Variants in CRIM1 observed in about 807,000 individuals in gnomAD.
CRIM1 encodes the protein cysteine-rich motor neuron 1 protein.
Under a neutral mutation model 116.4 loss-of-function variants are expected in CRIM1, and 32 were observed. The observed-to-expected ratio is 0.27, with a 90% CI of 0.21 to 0.37. The LOEUF is 0.37. Among genes scored for constraint, CRIM1 ranks in the 10% least tolerant of loss-of-function variants. The pLI, the probability that CRIM1 is intolerant of heterozygous loss-of-function variation, is 1.00. For synonymous variants in CRIM1, 590 were observed against 509.2 expected (o/e 1.16, Z -2.13); for missense variants, 1,331 against 1,354.8 (o/e 0.98, Z 0.28).
chr2:36,447,965 C>T (rs753372620), intron 4 of CRIM1, among the ~76,000 whole-genome samples: 6 of 152,190 alleles, frequency 3.9e-5, no homozygotes, highest in African/African-American at 7.2e-5. Flanking sequence ...TTTTCTGCTT[C>T]TTTCTTCACT....
At chr2:36,382,160 C>T (rs184679162) in intron 1 of CRIM1, among the ~76,000 whole-genome samples, 10 of 152,334 alleles carry the variant, frequency 6.6e-5, no homozygotes, top group South Asian at 2.1e-4. Flanking sequence ...GAACCAGGGC[C>T]TGGAACCGCC....
chr2:36,412,924 T>C (rs900951834), intron 2 of CRIM1, among the ~76,000 whole-genome samples: 4 of 152,130 alleles, frequency 2.6e-5, no homozygotes, highest in Non-Finnish European at 1.5e-5. Flanking sequence ...GTAAAATGAG[T>C]ATATCTCACA....
intron 8 of CRIM1, among the ~76,000 whole-genome samples, chr2:36,504,833 A>C (rs1293694923): frequency 6.6e-6 from 1 of 152,192 alleles, no homozygotes. Context: ...ATTAAGTAGC[A>C]TCAGTCTTTT....
At position 36,517,425 on chromosome 2, in the gene CRIM1, T is replaced by C; in HGVS notation, c.2089T>C (p.Ser697Pro). Reference sequence around the variant, plus strand: ...GGAAGGAGAAACGTGGAACATTGACTCCTGTACTCAGTGCACCTGCCACAG... The same window carrying C: ...GGAAGGAGAAACGTGGAACATTGACCCCTGTACTCAGTGCACCTGCCACAG... Reference protein sequence around the residue: ...FVEGETWNIDSCTQCTCHSGR... With the variant: ...FVEGETWNIDPCTQCTCHSGR... The change falls in exon 12 of 17, where the codon TCC (serine) becomes CCC (proline). Residue 697 changes from serine to proline, a missense_variant. Coordinates refer to ENST00000280527, the MANE Select transcript of CRIM1 (RefSeq NM_016441.3). 1.9e-6 allele frequency: 3 copies of C among 1,614,182 alleles called. No individual in the cohort carries two copies. Among genetic ancestry groups the C allele is most frequent in the Non-Finnish European group, 2.5e-6 (3 of 1,180,024 alleles).
At position 36,520,728 on chromosome 2, in the gene CRIM1, A is replaced by C. The variant is rs558420558; in HGVS notation, c.2207-1364A>C. On this transcript the variant is annotated intron_variant, in intron 12 of 16. Transcript: ENST00000280527. ...CCTCAGAGAAGGTCCACAATGAAGT[A>C]ACTGCCTTGGTCCTCAAAAAGGCCC... Among the ~76,000 whole-genome samples the C allele has an allele frequency of 4.6e-5, 7 of 152,296 alleles. No homozygotes were observed. In the South Asian group the frequency reaches 1.5e-3, roughly 32 times the overall value.
intron 1 of CRIM1, among the ~76,000 whole-genome samples, chr2:36,368,377 C>T (rs1166802882): frequency 6.6e-6 from 1 of 152,178 alleles, no homozygotes; most frequent in Admixed American, 6.5e-5. Flanking sequence ...GTTTCAAGTA[C>T]AAGCCAACTG....
At chr2:36,395,466 T>TA (rs1247930093) in intron 1 of CRIM1, among the ~76,000 whole-genome samples, 5 of 152,196 alleles carry the variant, frequency 3.3e-5, no homozygotes, top group Admixed American at 3.3e-4. Context: ...AAGTATCTGT[T>TA]AAAGATAATG....
At chr2:36,383,669 G>A (rs1670954217) in intron 1 of CRIM1, among the ~76,000 whole-genome samples, 1 of 152,204 alleles carries the variant, frequency 6.6e-6, no homozygotes, top group Non-Finnish European at 1.5e-5. Context: ...TTAGGATAAG[G>A]GAAGTGCTGG....
intron 8 of CRIM1, among the ~76,000 whole-genome samples, chr2:36,505,275 C>T (rs1681311942): frequency 6.6e-6 from 1 of 152,226 alleles, no homozygotes; most frequent in Non-Finnish European, 1.5e-5. Context: ...TTAACATCCT[C>T]TGTAGATTCT....
intron 12 of CRIM1, among the ~76,000 whole-genome samples, chr2:36,521,433 G>C (rs1260796719): frequency 6.6e-6 from 1 of 152,106 alleles, no homozygotes; most frequent in Non-Finnish European, 1.5e-5. Context: ...AATTGCATGT[G>C]GCCACAAGTA....
At chr2:36,468,114 C>T (rs1678192666) in intron 5 of CRIM1, among the ~76,000 whole-genome samples, 1 of 152,118 alleles carries the variant, frequency 6.6e-6, no homozygotes, top group Non-Finnish European at 1.5e-5. Context: ...TGAGGTAGAT[C>T]CAAAGACCCC....
chr2:36,466,251 G>A (rs1678019980), intron 5 of CRIM1, among the ~76,000 whole-genome samples: 1 of 152,010 alleles, frequency 6.6e-6, no homozygotes, highest in Admixed American at 6.5e-5. Flanking sequence ...TTGGGGATGG[G>A]GGATAGAGAT....
At chr2:36,478,652 TAATGATGACCAA>T (rs1389227932) in intron 6 of CRIM1, among the ~76,000 whole-genome samples, 4 of 152,192 alleles carry the variant, frequency 2.6e-5, no homozygotes, top group Admixed American at 2.0e-4. Flanking sequence ...GTCCTTAGAA[TAATGATGACCAA>T]ACTCTATGAA....
intron 2 of CRIM1, among the ~76,000 whole-genome samples, chr2:36,430,754 G>A (rs1674822536): frequency 6.6e-6 from 1 of 152,198 alleles, no homozygotes; most frequent in African/African-American, 2.4e-5. Context: ...TCTGGGAGGG[G>A]TCTGCAGAAG....
At chr2:36,378,388 G>C (rs556189723) in intron 1 of CRIM1, 1 of 471,148 alleles carries the variant, frequency 2.1e-6, no homozygotes, top group Admixed American at 2.3e-5. Context: ...GCTGCTCTCA[G>C]CATTACTGCT....
rs568636454 is a variant in CRIM1 at position 36,541,913 on chromosome 2, T to C, written c.2624-2463T>C. ...GCCTGGGTCTAGGCGTGGAAACAAA[T>C]AGCATTCCCACTTCTTTTTGTTTCA... On this transcript the variant is annotated intron_variant, in intron 14 of 16. Transcript: ENST00000280527. 2.0e-4 allele frequency among the ~76,000 whole-genome samples: 31 copies of C among 152,332 alleles called. 1 individual carries two copies. In the Middle Eastern group the frequency reaches 0.034, roughly 167 times the overall value.
At chr2:36,384,494 G>A (rs1215578111) in intron 1 of CRIM1, among the ~76,000 whole-genome samples, 1 of 152,178 alleles carries the variant, frequency 6.6e-6, no homozygotes, top group East Asian at 1.9e-4. Flanking sequence ...CTACACAAAG[G>A]AAACTCAGTT....
Position 36,501,636 on chromosome 2 carries a change from C to A in CRIM1, c.1501+2289C>A, listed in dbSNP as rs546192615. Among the ~76,000 whole-genome samples the A allele has an allele frequency of 7.9e-5, 12 of 152,272 alleles. No homozygotes were observed. In the South Asian group the frequency reaches 2.5e-3, roughly 32 times the overall value. ...ACTCAAGAGTCTAAGGTGGGGCGAT[C>A]TCTTGAGCTCGGGAAGTCGAGGCCG... is the stretch of plus-strand genomic sequence containing the variant. On this transcript the variant is annotated intron_variant, in intron 8 of 16. Coordinates refer to ENST00000280527, the MANE Select transcript of CRIM1 (RefSeq NM_016441.3).
At chr2:36,471,587 A>T (rs192978970) in intron 5 of CRIM1, among the ~76,000 whole-genome samples, 18 of 152,288 alleles carry the variant, frequency 1.2e-4, no homozygotes, top group Non-Finnish European at 2.4e-4. Flanking sequence ...ATTGTTTTTT[A>T]GACATAATGC....
Sources: allele counts gnomAD v4.1 joint callset (sites outside exome capture counted in the v4.1 genomes callset), GRCh38; gene constraint gnomAD v4.1.1; transcripts MANE v1.5; gene names NCBI Gene and HGNC (gene_info 2026-07-23, HGNC 2026-07-21).